The following UNC13C variants were observed in gnomAD, a reference collection of about 807,000 sequenced individuals.
UNC13C encodes unc-13 homolog C.
UNC13C carries 174 observed loss-of-function variants against 245.4 expected under a neutral mutation model. That is an observed-to-expected ratio of 0.71 (90% confidence interval 0.63 to 0.80). UNC13C has a LOEUF of 0.80. UNC13C is among the 30% of genes least tolerant of loss of function. UNC13C has a pLI of 0.00. For missense variants in UNC13C, 2,829 were observed against 2,602.9 expected (o/e 1.09, Z -1.89); for synonymous variants, 992 against 895.1 (o/e 1.11, Z -1.93).
At chr15:54,601,356 G>C (rs1899409618) in intron 30 of UNC13C, among the ~76,000 whole-genome samples, 1 of 152,122 alleles carries the variant, frequency 6.6e-6, no homozygotes, top group Non-Finnish European at 1.5e-5. Context: ...TAAAACCTAA[G>C]CCAGACCTAC....
At chr15:54,262,149 A>G (rs1357572116) in intron 8 of UNC13C, among the ~76,000 whole-genome samples, 3 of 152,154 alleles carry the variant, frequency 2.0e-5, no homozygotes, top group East Asian at 1.9e-4. Flanking sequence ...TTTGGCAGCT[A>G]TTGTTTGAGC....
chr15:54,021,677 A>G (rs1198698206), intron 2 of UNC13C, among the ~76,000 whole-genome samples: 1 of 152,208 alleles, frequency 6.6e-6, no homozygotes, highest in East Asian at 1.9e-4. Context: ...TTGAAATATC[A>G]GTCTCAATTC....
Position 54,162,789 on chromosome 15 carries a change from A to T in UNC13C, c.3071+19105A>T, listed in dbSNP as rs187678400. On this transcript the variant is annotated intron_variant, in intron 4 of 32. Coordinates refer to ENST00000260323, the MANE Select transcript of UNC13C (RefSeq NM_001080534.3). ...AGATCTTACAGAAATGTATTTTTTT[A>T]AAATCTCATGTTGGTTTAAAATAGT... Among the ~76,000 whole-genome samples the T allele has an allele frequency of 7.5e-3, 1,148 of 152,314 alleles. 9 individuals are homozygous for T. Among genetic ancestry groups the T allele is most frequent in the Non-Finnish European group, 0.011 (750 of 68,018 alleles).
At chr15:53,876,537 C>T in the UNC13C span, among the ~76,000 whole-genome samples, 7 of 152,084 alleles carry the variant, frequency 4.6e-5, no homozygotes, top group Admixed American at 3.3e-4. Flanking sequence ...CCTCTAAAGC[C>T]GCATGTCTCG....
chr15:53,933,907 C>T, the UNC13C span, among the ~76,000 whole-genome samples: 1 of 152,142 alleles, frequency 6.6e-6, no homozygotes. Context: ...ATACCTGAGA[C>T]TGGGTATTTT....
At chr15:54,271,668 G>T (rs941867015) in intron 10 of UNC13C, among the ~76,000 whole-genome samples, 1 of 152,158 alleles carries the variant, frequency 6.6e-6, no homozygotes, top group African/African-American at 2.4e-5. Context: ...TGCAAGAGTT[G>T]AGGTAGGTCA....
At chr15:54,550,346 C>CA (rs1033811748) in intron 28 of UNC13C, among the ~76,000 whole-genome samples, 355 of 150,900 alleles carry the variant, frequency 2.4e-3, no homozygotes, top group African/African-American at 8.3e-3. Flanking sequence ...TTGTAAAATG[C>CA]AAAAAAAGAA....
chr15:54,321,908 T>G, intron 13 of UNC13C, 31 bp from the exon 14 acceptor site: 1 of 1,540,924 alleles, frequency 6.5e-7, no homozygotes, highest in Non-Finnish European at 8.8e-7. Flanking sequence ...AATTTCTGTC[T>G]TAAAAACACT....
chr15:54,243,258 G>A (rs2035906027), intron 7 of UNC13C, among the ~76,000 whole-genome samples: 1 of 151,618 alleles, frequency 6.6e-6, no homozygotes, highest in African/African-American at 2.4e-5. Flanking sequence ...TCCTGTATTA[G>A]TTTGCTGAGG....
chr15:53,862,863 C>A, the UNC13C span, among the ~76,000 whole-genome samples: 2 of 152,144 alleles, frequency 1.3e-5, no homozygotes, highest in Admixed American at 1.3e-4. Flanking sequence ...GTAACAACAT[C>A]TAGTCTGTAG....
chr15:54,305,335 A>G (rs1210842467), intron 13 of UNC13C, among the ~76,000 whole-genome samples: 2 of 152,082 alleles, frequency 1.3e-5, no homozygotes, highest in Admixed American at 1.3e-4. Context: ...CACTACATTG[A>G]TTGATCGTTT....
At chr15:54,553,426 ATATAATATATAATATAAT>A (rs1446883841) in intron 28 of UNC13C, among the ~76,000 whole-genome samples, 1 of 132,998 alleles carries the variant, frequency 7.5e-6, no homozygotes, top group African/African-American at 2.8e-5. Context: ...ATAATATTAT[ATATAATATATAATATAAT>A]TATAATATAT....
intron 31 of UNC13C, among the ~76,000 whole-genome samples, chr15:54,623,276 AG>A (rs1468808268): frequency 6.6e-6 from 1 of 152,138 alleles, no homozygotes; most frequent in African/African-American, 2.4e-5. Context: ...AAATAGCCAC[AG>A]AGCAAAATAT....
In UNC13C at chr15:54,532,924, G is replaced by T; in HGVS notation, c.5554G>T (p.Val1852Phe). ...LSVTYGESFQ[V>F]IIEECIKQMS... ...TATATTCTTTATTTTTAGTTTCCAG[G>T]TTATAATTGAAGAGTGTATAAAACA... is the stretch of plus-strand genomic sequence containing the variant. The change falls in exon 26 of 33, where the codon GTT (valine) becomes TTT (phenylalanine). Residue 1852 changes from valine to phenylalanine, a missense_variant. Transcript: ENST00000260323. 1 of 1,538,960 alleles carries T rather than the reference G, an allele frequency of 6.5e-7. No homozygotes were observed. Among genetic ancestry groups the T allele is most frequent in the Non-Finnish European group, 8.8e-7 (1 of 1,134,616 alleles).
intron 1 of UNC13C, among the ~76,000 whole-genome samples, chr15:54,011,927 G>T (rs1014956527): frequency 6.6e-6 from 1 of 152,186 alleles, no homozygotes. Context: ...AATGAATTAA[G>T]TAGATTATCT....
intron 19 of UNC13C, among the ~76,000 whole-genome samples, chr15:54,452,137 C>T (rs576339652): frequency 9.9e-5 from 15 of 152,266 alleles, no homozygotes; most frequent in East Asian, 7.7e-4. Context: ...TGGGTGAGTC[C>T]TCAGACCCCA....
chr15:54,109,275 CCTCCCCTCCCCTCCCCTCCCT>C (rs1900630414), intron 2 of UNC13C, among the ~76,000 whole-genome samples: 2 of 81,998 alleles, frequency 2.4e-5, no homozygotes, highest in African/African-American at 9.4e-5. Flanking sequence ...CCTCTCCTCC[CCTCCCCTCCCCTCCCCTCCCT>C]TCCCCTCCCC....
chr15:54,226,218 G>C (rs1432034028), intron 4 of UNC13C, among the ~76,000 whole-genome samples: 2 of 152,058 alleles, frequency 1.3e-5, no homozygotes, highest in Admixed American at 1.3e-4. Flanking sequence ...ATTTTATTGA[G>C]GATTTTTGCA....
chr15:54,602,695 T>G (rs893618667), intron 30 of UNC13C, among the ~76,000 whole-genome samples: 1 of 152,138 alleles, frequency 6.6e-6, no homozygotes, highest in Admixed American at 6.6e-5. Context: ...AAGAAAACTT[T>G]GCCAGTCACC....
Sources: allele counts gnomAD v4.1 joint callset (sites outside exome capture counted in the v4.1 genomes callset), GRCh38; gene constraint gnomAD v4.1.1; transcripts MANE v1.5; gene names NCBI Gene and HGNC (gene_info 2026-07-23, HGNC 2026-07-21).